The following KLC1 variants were observed in gnomAD, a reference collection of about 807,000 sequenced individuals.
KLC1 encodes kinesin light chain 1.
Under a neutral mutation model 84.2 loss-of-function variants are expected in KLC1, and 30 were observed. The ratio of observed to expected loss-of-function variants is 0.36; its 90% CI spans 0.27 to 0.48. KLC1 has a LOEUF of 0.48. Among genes scored for constraint, KLC1 ranks in the 20% least tolerant of loss-of-function variants. KLC1 has a pLI of 0.99. For synonymous variants in KLC1, 289 were observed against 293.3 expected (o/e 0.99, Z 0.15); for missense variants, 499 against 805.4 (o/e 0.62, Z 4.60).
At chr14:103,649,445 G>A (rs1425461253) in intron 1 of KLC1, among the ~76,000 whole-genome samples, 1 of 151,360 alleles carries the variant, frequency 6.6e-6, no homozygotes, top group Non-Finnish European at 1.5e-5. Flanking sequence ...TAATTTGTTA[G>A]GGGCCTGGTG....
At chr14:103,651,706 G>A (rs2078458015) in intron 1 of KLC1, among the ~76,000 whole-genome samples, 1 of 152,200 alleles carries the variant, frequency 6.6e-6, no homozygotes, top group African/African-American at 2.4e-5. Flanking sequence ...TGGCTTTGCA[G>A]TGATGAGCAG....
At chr14:103,695,274 AACACAGC>A in intron 15 of KLC1, 1 of 648,494 alleles carries the variant, frequency 1.5e-6, no homozygotes. Flanking sequence ...CAGCTTGGGC[AACACAGC>A]GAGTCCCTGT....
chr14:103,675,722 T>C lies in KLC1; in HGVS notation c.1345T>C (p.Tyr449His), dbSNP rs1298197728. ...KQKDGTSFGEYGGWYKACKVD... is the reference protein window; with the variant it reads ...KQKDGTSFGEHGGWYKACKVD... ...AAAGGATGGGACATCTTTTGGAGAG[T>C]ATGGCGGCTGGTACAAAGCCTGCAA... Residue 449 changes from tyrosine to histidine, a missense_variant, in exon 11 of 17, where the codon TAT (tyrosine) becomes CAT (histidine). This residue lies in a region of KLC1 where 153 missense variants were observed against 332.4 expected (regional missense o/e 0.46). Coordinates refer to ENST00000334553, the MANE Select transcript of KLC1 (RefSeq NM_001394837.1). 6.2e-7 allele frequency: 1 copy of C among 1,613,950 alleles called. No homozygotes were observed. The highest frequency in any genetic ancestry group is 8.5e-7 in the Non-Finnish European group (1 of 1,179,930).
chr14:103,660,958 T>A (rs1375443910), intron 3 of KLC1, among the ~76,000 whole-genome samples: 1 of 152,192 alleles, frequency 6.6e-6, no homozygotes, highest in Non-Finnish European at 1.5e-5. Context: ...TCGGAGACTT[T>A]TAAAATTTAT....
At chr14:103,672,553 G>A (rs535146426) in intron 7 of KLC1, among the ~76,000 whole-genome samples, 31 of 152,296 alleles carry the variant, frequency 2.0e-4, no homozygotes, top group Non-Finnish European at 3.4e-4. Flanking sequence ...CCTTTGAGGG[G>A]AACTGAGGAG....
intron 12 of KLC1, 52 bp downstream of exon 12, chr14:103,677,575 C>T (rs1219597731): frequency 2.0e-6 from 2 of 1,017,454 alleles, no homozygotes; most frequent in East Asian, 2.4e-5. Context: ...GAATTGAATG[C>T]TTCTCTTTTA....
intron 13 of KLC1, among the ~76,000 whole-genome samples, chr14:103,681,854 G>A (rs1175622358): frequency 1.3e-5 from 2 of 152,190 alleles, no homozygotes; most frequent in Non-Finnish European, 2.9e-5. Flanking sequence ...CATTTTAACT[G>A]TTGTCTGATT....
Position 103,669,562 on chromosome 14 carries a change from T to C in KLC1, c.849T>C (p.Ala283=). ...CTAACCTACTGAATGATGCCTTGGCTATTCGTGAGAAAACTTTGGGCAAAG... is the reference window on the plus strand; with the variant it reads ...CTAACCTACTGAATGATGCCTTGGCCATTCGTGAGAAAACTTTGGGCAAAG... ...DAANLLNDAL[A]IREKTLGKDH... is the part of the protein sequence containing the mutation. Residue 283 remains alanine (A), a synonymous_variant, in exon 6 of 17, where the codon GCT becomes GCC. Transcript: ENST00000334553. 1 of 1,613,194 alleles carries C rather than the reference T, an allele frequency of 6.2e-7. No individual in the cohort carries two copies. Among genetic ancestry groups the C allele is most frequent in the Non-Finnish European group, 8.5e-7 (1 of 1,179,176 alleles).
chr14:103,692,326 G>C, intron 14 of KLC1, 33 bp from the exon 15 acceptor site: 1 of 1,534,068 alleles, frequency 6.5e-7, no homozygotes, highest in Non-Finnish European at 8.7e-7. Context: ...TGTGCTGATC[G>C]TTTGTCCTTG....
chr14:103,700,890 G>A (rs1009239423), intron 16 of KLC1, among the ~76,000 whole-genome samples, 163 bp downstream of exon 16: 1 of 152,204 alleles, frequency 6.6e-6, no homozygotes, highest in Admixed American at 6.5e-5. Context: ...CCATCCTCAT[G>A]CAAGCCCAAG....
In KLC1 at chr14:103,673,334, A is replaced by T; in HGVS notation, c.1164A>T (p.Ala388=). 1 of 1,588,174 alleles carries T rather than the reference A, an allele frequency of 6.3e-7. No homozygotes were observed. Among genetic ancestry groups the T allele is most frequent in the Non-Finnish European group, 8.5e-7 (1 of 1,169,750 alleles). ...ATTTTATTTTATTTTATTTTAAGGC[A>T]TCCTGCTATTTGAAACAAGGAAAGT... The part of the protein sequence containing the change: ...PNVAKTKNNL[A]SCYLKQGKFK... The change falls in exon 9 of 17, where the codon GCA becomes GCT. Residue 388 remains alanine (A), a splice_region_variant and synonymous_variant. Transcript: ENST00000334553.
At chr14:103,640,576 G>C (rs1354132409) in intron 1 of KLC1, among the ~76,000 whole-genome samples, 1 of 151,528 alleles carries the variant, frequency 6.6e-6, no homozygotes, top group Non-Finnish European at 1.5e-5. Context: ...TAACCAGGAT[G>C]GTCTCGATCT....
At chr14:103,655,294 A>G (rs1393085098) in intron 2 of KLC1, among the ~76,000 whole-genome samples, 3 of 152,010 alleles carry the variant, frequency 2.0e-5, no homozygotes, top group Non-Finnish European at 4.4e-5. Context: ...ATTTGGGCCT[A>G]TCAGAATTGT....
intron 5 of KLC1, among the ~76,000 whole-genome samples, chr14:103,667,206 G>A (rs948899917): frequency 6.6e-6 from 1 of 152,068 alleles, no homozygotes; most frequent in African/African-American, 2.4e-5. Flanking sequence ...CTGCCTCCTG[G>A]GTTCAAGCGA....
chr14:103,658,518 G>A (rs1356086040), intron 3 of KLC1, among the ~76,000 whole-genome samples: 1 of 142,684 alleles, frequency 7.0e-6, no homozygotes, highest in East Asian at 2.1e-4. Context: ...CAAGTGATCT[G>A]CCCACCTCAG....
intron 7 of KLC1, among the ~76,000 whole-genome samples, chr14:103,672,272 C>T (rs2080455617): frequency 6.6e-6 from 1 of 152,158 alleles, no homozygotes; most frequent in African/African-American, 2.4e-5. Flanking sequence ...CTGAGGACCA[C>T]ATGTGTAAAG....
intron 14 of KLC1, among the ~76,000 whole-genome samples, chr14:103,690,500 C>G (rs1317951351): frequency 1.3e-5 from 2 of 152,308 alleles, no homozygotes; most frequent in African/African-American, 4.8e-5. Flanking sequence ...TGCTGACACA[C>G]GGGTGGGTGC....
intron 7 of KLC1, among the ~76,000 whole-genome samples, chr14:103,671,433 G>A (rs1012456663): frequency 6.6e-6 from 1 of 151,882 alleles, no homozygotes. Flanking sequence ...GCAGTGGCAC[G>A]ATCTCGGCTC....
intron 9 of KLC1, among the ~76,000 whole-genome samples, chr14:103,674,241 C>G (rs1389992508): frequency 6.6e-6 from 1 of 152,096 alleles, no homozygotes; most frequent in East Asian, 1.9e-4. Flanking sequence ...ATCATGTATA[C>G]TGCTTATTTT....
Sources: allele counts gnomAD v4.1 joint callset (sites outside exome capture counted in the v4.1 genomes callset), GRCh38; gene constraint gnomAD v4.1.1; regional missense constraint gnomAD v4.1.1; transcripts MANE v1.5; gene names NCBI Gene and HGNC (gene_info 2026-07-23, HGNC 2026-07-21).